The following HECW2 variants were observed in gnomAD, a reference collection of about 807,000 sequenced individuals.
HECW2 encodes the protein HECT, C2 and WW domain containing E3 ubiquitin protein ligase 2, also known as E3 ubiquitin-protein ligase HECW2.
HECW2 carries 61 observed loss-of-function variants against 175.2 expected under a neutral mutation model. That is an observed-to-expected ratio of 0.35 (90% CI 0.28 to 0.43). The LOEUF (loss-of-function observed/expected upper bound fraction) is 0.43. HECW2 is among the 20% of genes least tolerant of loss of function. The pLI, the probability that HECW2 is intolerant of heterozygous loss-of-function variation, is 1.00. For synonymous variants in HECW2, 671 were observed against 731.0 expected (o/e 0.92, Z 1.32); for missense variants, 1,524 against 2,000.5 (o/e 0.76, Z 4.54).
In HECW2 at chr2:196,534,623, G is replaced by A. The variant is rs1218863220; in HGVS notation, c.-36+58885C>T. ...AGTCTGCATATTCTGGTAAATGTAG[G>A]CCAGCTGCTGTGACGCAGGAGGGAG... On this transcript the variant is annotated intron_variant, in intron 1 of 28. Coordinates refer to ENST00000644978, the MANE Select transcript of HECW2 (RefSeq NM_001348768.2). 2.0e-5 allele frequency among the ~76,000 whole-genome samples: 3 copies of A among 152,202 alleles called. No homozygotes were observed. In the East Asian group the frequency reaches 5.8e-4, roughly 29 times the overall value.
chr2:196,351,100 A>G (rs1398513881), intron 2 of HECW2, among the ~76,000 whole-genome samples: 1 of 152,206 alleles, frequency 6.6e-6, no homozygotes, highest in Non-Finnish European at 1.5e-5. Flanking sequence ...TCAGGAGATT[A>G]TCCTTTTCTT....
At chr2:196,439,877 C>CTGT (rs1403110372) in intron 1 of HECW2, among the ~76,000 whole-genome samples, 1 of 152,126 alleles carries the variant, frequency 6.6e-6, no homozygotes, top group African/African-American at 2.4e-5. Context: ...GAACCCAGCG[C>CTGT]TGTTGGCAGA....
Position 196,358,543 on chromosome 2 carries a change from G to A in HECW2, c.293-14779C>T, listed in dbSNP as rs567522742. ...GGAGGTTGCAGTGAGCCGAGATCGC[G>A]CCACTGCACTCCAGCCTGGGAGACA... On this transcript the variant is annotated intron_variant, in intron 2 of 28. Transcript: ENST00000644978. Among the ~76,000 whole-genome samples the A allele has an allele frequency of 3.0e-3, 364 of 123,048 alleles. 3 individuals are homozygous for A. Among genetic ancestry groups the A allele is most frequent in the African/African-American group, 0.011 (342 of 31,090 alleles). The allele number at this position is 123,048 out of a possible 152,430, so 80.7% of individuals were successfully genotyped here. A position where few individuals can be genotyped will look rare whatever the true frequency, so the allele number is the denominator to read the frequency against.
At chr2:196,490,039 C>A (rs1687132168) in intron 1 of HECW2, among the ~76,000 whole-genome samples, 1 of 152,186 alleles carries the variant, frequency 6.6e-6, no homozygotes, top group Non-Finnish European at 1.5e-5. Flanking sequence ...CACTGCAAAG[C>A]AAGAGGAGAT....
intron 3 of HECW2, among the ~76,000 whole-genome samples, chr2:196,341,957 A>G (rs1692768216): frequency 6.6e-6 from 1 of 152,226 alleles, no homozygotes; most frequent in African/African-American, 2.4e-5. Context: ...CATTTAATCA[A>G]ATCTTTAATG....
intron 10 of HECW2, among the ~76,000 whole-genome samples, chr2:196,315,097 A>C (rs1420475555): frequency 2.0e-5 from 3 of 151,782 alleles, no homozygotes; most frequent in Non-Finnish European, 4.4e-5. Context: ...TATCCATGAG[A>C]ATACACATCC....
In HECW2 at chr2:196,240,506, T is replaced by C; in HGVS notation, c.3707A>G (p.Tyr1236Cys). 6.2e-7 allele frequency: 1 copy of C among 1,612,694 alleles called. No homozygotes were observed. Among genetic ancestry groups the C allele is most frequent in the Non-Finnish European group, 8.5e-7 (1 of 1,179,540 alleles). Residue 1236 changes from tyrosine to cysteine, a missense_variant, in exon 21 of 29, where the codon TAC becomes TGC. Around this residue, in one of 11 missense-constraint regions of HECW2, gnomAD observed 291 missense variants for 412.2 expected, o/e 0.71. Transcript: ENST00000644978. Reference sequence around the variant, plus strand: ...ATTTCTCTGCAGGTCTTTTCTGGAGTAGCCCATAATCTGATTAAAAGCATC... The same window carrying C: ...ATTTCTCTGCAGGTCTTTTCTGGAGCAGCCCATAATCTGATTAAAAGCATC... ...LEDAFNQIMG[Y>C]SRKDLQRNKL... is the part of the protein sequence containing the mutation.
At chr2:196,370,940 C>T (rs540683903) in intron 2 of HECW2, among the ~76,000 whole-genome samples, 7 of 152,336 alleles carry the variant, frequency 4.6e-5, no homozygotes, top group Admixed American at 1.3e-4. Flanking sequence ...ACTCTCTCTC[C>T]TACCCTGTTC....
At chr2:196,339,385 G>A (rs1559052290) in intron 3 of HECW2, among the ~76,000 whole-genome samples, 1 of 152,194 alleles carries the variant, frequency 6.6e-6, no homozygotes, top group African/African-American at 2.4e-5. Flanking sequence ...TCCCAGGGCT[G>A]GGATGGGTAA....
chr2:196,220,837 A>T lies in HECW2; in HGVS notation c.4251T>A (p.Gly1417=). Residue 1417 remains glycine (G), a synonymous_variant, in exon 25 of 29, where the codon GGT becomes GGA. Coordinates refer to ENST00000644978, the MANE Select transcript of HECW2 (RefSeq NM_001348768.2). ...CTAAGCTCTCTGTTTGCTGTACAAC[A>T]CCCCTCTCAATCCTCCACTTCACCA... ...ERMVKWRIER[G]VVQQTESLVR... 1 of 1,613,702 alleles carries T rather than the reference A, an allele frequency of 6.2e-7. No individual in the cohort carries two copies. Among genetic ancestry groups the T allele is most frequent in the Non-Finnish European group, 8.5e-7 (1 of 1,179,936 alleles).
At chr2:196,245,911 T>G (rs926604406) in intron 19 of HECW2, among the ~76,000 whole-genome samples, 1 of 152,232 alleles carries the variant, frequency 6.6e-6, no homozygotes, top group Non-Finnish European at 1.5e-5. Flanking sequence ...ACACCCAAGA[T>G]GCATTACAAC....
chr2:196,209,482 A>C (rs1687185445), intron 28 of HECW2, among the ~76,000 whole-genome samples: 2 of 152,200 alleles, frequency 1.3e-5, no homozygotes, highest in Non-Finnish European at 2.9e-5. Context: ...TGGCAGAATA[A>C]AGTGAAAATT....
At chr2:196,230,245 A>G (rs2105846114) in intron 21 of HECW2, among the ~76,000 whole-genome samples, 1 of 152,300 alleles carries the variant, frequency 6.6e-6, no homozygotes, top group African/African-American at 2.4e-5. Context: ...TTATGCTGTG[A>G]CGAAGGCAGC....
chr2:196,356,693 T>C (rs761642668), intron 2 of HECW2, among the ~76,000 whole-genome samples: 22 of 152,190 alleles, frequency 1.4e-4, no homozygotes, highest in Non-Finnish European at 2.8e-4. Flanking sequence ...GAGATCACAA[T>C]CAAAGAAGCT....
chr2:196,365,417 C>T (rs1280716726), intron 2 of HECW2, among the ~76,000 whole-genome samples: 1 of 152,216 alleles, frequency 6.6e-6, no homozygotes, highest in Non-Finnish European at 1.5e-5. Flanking sequence ...GCCTCTGAGG[C>T]TGACATCACT....
At chr2:196,523,957 C>G (rs1688526021) in intron 1 of HECW2, among the ~76,000 whole-genome samples, 1 of 152,064 alleles carries the variant, frequency 6.6e-6, no homozygotes, top group Admixed American at 6.5e-5. Flanking sequence ...TGTGTCTCTG[C>G]CCGGCTTTGG....
At chr2:196,221,094 G>A (rs952080926) in intron 24 of HECW2, among the ~76,000 whole-genome samples, 153 bp from the exon 25 acceptor site, 5 of 152,202 alleles carry the variant, frequency 3.3e-5, no homozygotes, top group Non-Finnish European at 7.3e-5. Context: ...GGCACTCACG[G>A]AGCACACACA....
chr2:196,410,286 T>C (rs1695074423), intron 2 of HECW2, among the ~76,000 whole-genome samples: 1 of 152,168 alleles, frequency 6.6e-6, no homozygotes, highest in South Asian at 2.1e-4. Context: ...TAAATAGCAA[T>C]GGTACATTTT....
At chr2:196,579,557 T>A (rs1365210995) in intron 1 of HECW2, among the ~76,000 whole-genome samples, 1 of 152,154 alleles carries the variant, frequency 6.6e-6, no homozygotes, top group Non-Finnish European at 1.5e-5. Flanking sequence ...AGAATAAAAA[T>A]TTTAAGTCGA....
Sources: gnomAD v4.1 joint callset for allele counts (sites outside exome capture counted in the v4.1 genomes callset) on GRCh38, gnomAD v4.1.1 for gene constraint, gnomAD v4.1.1 regional missense constraint, MANE v1.5 for transcripts, NCBI Gene and HGNC (gene_info 2026-07-23, HGNC 2026-07-21) for gene names.